Variants in NEB observed in about 807,000 individuals in gnomAD.
NEB encodes nemaline myopathy type 2.
In NEB, 512 loss-of-function variants were observed where a neutral mutation model predicts 952.2. The observed-to-expected ratio is 0.54, with a 90% confidence interval of 0.50 to 0.58. The LOEUF is 0.58. NEB is among the 20% of genes least tolerant of loss of function. NEB has a pLI of 0.00. For missense variants in NEB, 8,428 were observed against 9,231.1 expected, an observed-to-expected ratio of 0.91 and a Z score of 3.56; for synonymous variants, 2,900 against 3,149.8, an observed-to-expected ratio of 0.92 and a Z score of 2.66.
In NEB at chr2:151,687,414, C is replaced by T; in HGVS notation, c.2637+5G>A. On this transcript the variant is annotated splice_donor_5th_base_variant and intron_variant, in intron 27 of 181. Transcript: ENST00000397345. ...AAAACAAGACAGATTCACAAAGACA[C>T]TCACATCACTCTGGTTTTTGGCTGT... 2 of 1,606,852 alleles carry T rather than the reference C, an allele frequency of 1.2e-6. No individual in the cohort carries two copies. The highest frequency in any genetic ancestry group is 8.5e-7 in the Non-Finnish European group (1 of 1,173,426).
chr2:151,622,546 C>T (rs1332343248), intron 71 of NEB, among the ~76,000 whole-genome samples: 2 of 152,086 alleles, frequency 1.3e-5, no homozygotes. Flanking sequence ...GCCATATTTG[C>T]TTTCTCTAGC....
intron 130 of NEB, 68 bp downstream of exon 130, chr2:151,549,563 CAGGCT>C: frequency 1.0e-6 from 1 of 953,294 alleles, no homozygotes; most frequent in South Asian, 1.4e-5. Flanking sequence ...AGGATTAGAA[CAGGCT>C]ATTAATTAAT....
chr2:151,616,033 G>A lies in NEB; in HGVS notation c.11258C>T (p.Ala3753Val). 6.2e-7 allele frequency: 1 copy of A among 1,613,006 alleles called. No homozygotes were observed. The highest frequency in any genetic ancestry group is 1.1e-5 in the South Asian group (1 of 90,868). The stretch of plus-strand genomic sequence containing the variant: ...AGCAATATCTCTTGAAGCCTTGGCT[G>A]CTTGGATTGGAATGGCATCCAGACG... ...DLRLDAIPIQ[A>V]AKASRDIASD... Residue 3753 changes from alanine to valine, a missense_variant, in exon 76 of 182, where the codon GCA (alanine) becomes GTA (valine). By Grantham distance (64) the Ala-to-Val change is moderately conservative. This residue lies in a region of NEB where 1,772 missense variants were observed against 1,960.3 expected (regional missense o/e 0.90). Coordinates refer to ENST00000397345, the MANE Select transcript of NEB (RefSeq NM_001164508.2).
chr2:151,524,624 G>T lies in NEB; in HGVS notation c.22273-8C>A, dbSNP rs1271025149. ...ATCTTTTCTGTAAGCGACCTTTATTGGGGAAGAAAATGTTTACTCAAGAGA... is the reference window on the plus strand; with the variant it reads ...ATCTTTTCTGTAAGCGACCTTTATTTGGGAAGAAAATGTTTACTCAAGAGA... On this transcript the variant is annotated splice_polypyrimidine_tract_variant and splice_region_variant and intron_variant, in intron 151 of 181. Transcript: ENST00000397345. 44 of 921,652 alleles carry T rather than the reference G, an allele frequency of 4.8e-5. No homozygotes were observed. Among genetic ancestry groups the T allele is most frequent in the Non-Finnish European group, 7.0e-5 (41 of 585,118 alleles). The allele number at this position is 921,652 out of a possible 1,614,324, so 57.1% of individuals were successfully genotyped here.
Position 151,512,619 on chromosome 2 carries a change from CTT to C in NEB, c.23346+112_23346+113del, listed in dbSNP as rs2075407058. ...GTGAGCCACTGCACCTGGTGAATCT[CTT>C]TTTTATTGGGAAAAACTGATCTGAA... On this transcript the variant is annotated intron_variant, in intron 161 of 181. Coordinates refer to ENST00000397345, the MANE Select transcript of NEB (RefSeq NM_001164508.2). The C allele has an allele frequency of 5.9e-6, 5 of 853,006 alleles. No homozygotes were observed. In the Admixed American group the frequency reaches 7.0e-5, roughly 12 times the overall value. 52.8% of individuals were successfully genotyped at this position (853,006 alleles called of 1,614,324 possible).
intron 103 of NEB, 30 bp downstream of exon 103, chr2:151,581,453 G>C (rs1043622753): frequency 3.1e-6 from 2 of 644,468 alleles, no homozygotes; most frequent in Non-Finnish European, 5.0e-6. Flanking sequence ...AGAGAGCACT[G>C]TGAAAAGCAA....
chr2:151,579,013 G>A (rs557216009), intron 105 of NEB, among the ~76,000 whole-genome samples: 15 of 149,326 alleles, frequency 1.0e-4, no homozygotes, highest in East Asian at 2.0e-4. Flanking sequence ...CCTGGGAGGC[G>A]GAGGTTGCAG....
Position 151,639,353 on chromosome 2 carries a change from T to C in NEB, c.8921A>G (p.Lys2974Arg). ...RLYTEAWDKD[K>R]TQIHIMPDTP... ...GTCTGGCATTATGTGGATCTGAGTC[T>C]TGTCTTTGTCCCAGGCTTCTGTGTA... The change falls in exon 63 of 182, where the codon AAG (lysine) becomes AGG (arginine). Residue 2974 changes from lysine to arginine, a missense_variant. This residue lies in a region of NEB where 1,772 missense variants were observed against 1,960.3 expected (regional missense o/e 0.90). Coordinates refer to ENST00000397345, the MANE Select transcript of NEB (RefSeq NM_001164508.2). The C allele has an allele frequency of 6.5e-7, 1 of 1,546,302 alleles. No individual in the cohort carries two copies. Among genetic ancestry groups the C allele is most frequent in the Non-Finnish European group, 8.7e-7 (1 of 1,147,964 alleles).
chr2:151,576,485 C>CATATATATATATATATATAT (rs1167680131), intron 105 of NEB, 131 bp from the exon 106 acceptor site: 4 of 54,186 alleles, frequency 7.4e-5, no homozygotes, highest in African/African-American at 3.4e-4. Flanking sequence ...AACATAAATA[C>CATATATATATATATATATAT]ATATATATAT....
intron 13 of NEB, among the ~76,000 whole-genome samples, chr2:151,701,660 T>G (rs983058940): frequency 6.6e-6 from 1 of 151,406 alleles, no homozygotes; most frequent in Non-Finnish European, 1.5e-5. Flanking sequence ...CGTAGAGGTG[T>G]TTGTAGTATT....
At chr2:151,638,831 GT>G (rs2098809474) in intron 63 of NEB, among the ~76,000 whole-genome samples, 2 of 152,170 alleles carry the variant, frequency 1.3e-5, no homozygotes, top group Non-Finnish European at 2.9e-5. Flanking sequence ...GTGTGTGTGT[GT>G]GTGTGTGGGT....
chr2:151,558,484 T>C (rs2095811937), intron 124 of NEB, among the ~76,000 whole-genome samples: 1 of 151,756 alleles, frequency 6.6e-6, no homozygotes. Flanking sequence ...CAAGCTACCA[T>C]TGACTTTTTT....
At position 151,665,980 on chromosome 2, in the gene NEB, G is replaced by A. The variant is rs186460644; in HGVS notation, c.5031+110C>T. 269 of 1,148,810 alleles carry A rather than the reference G, an allele frequency of 2.3e-4. No individual in the cohort carries two copies. In the African/African-American group the frequency reaches 3.9e-3, roughly 17 times the overall value. 71.2% of individuals were successfully genotyped at this position (1,148,810 alleles called of 1,614,324 possible). On this transcript the variant is annotated intron_variant, in intron 41 of 181. Transcript: ENST00000397345. Reference sequence around the variant, plus strand: ...AAATCCTAAAACTCTGAGTTCTGGAGGGAATCCTTAATTACAGTGAGTGCA... The same window carrying A: ...AAATCCTAAAACTCTGAGTTCTGGAAGGAATCCTTAATTACAGTGAGTGCA...
chr2:151,617,501 G>C, intron 74 of NEB, 33 bp from the exon 75 acceptor site: 117 of 1,291,032 alleles, frequency 9.1e-5, no homozygotes, highest in Non-Finnish European at 1.1e-4. Context: ...GAGAGAGAGA[G>C]AGAAAAATTA....
chr2:151,538,456 T>C (rs929042681), intron 138 of NEB, among the ~76,000 whole-genome samples: 1 of 152,182 alleles, frequency 6.6e-6, no homozygotes, highest in African/African-American at 2.4e-5. Flanking sequence ...CCGATCATAA[T>C]GTATCAATCT....
rs868737859 is a variant in NEB at position 151,618,355 on chromosome 2, G to A, written c.10996C>T (p.Pro3666Ser). The A allele has an allele frequency of 6.2e-7, 1 of 1,613,832 alleles. No individual in the cohort carries two copies. Among genetic ancestry groups the A allele is most frequent in the African/African-American group, 1.3e-5 (1 of 74,932 alleles). The change falls in exon 74 of 182, where the codon CCA (proline) becomes TCA (serine). Residue 3666 changes from proline (P) to serine (S), a missense_variant. By Grantham distance (74) the Pro-to-Ser change is moderately conservative. This residue lies in a region of NEB where 1,772 missense variants were observed against 1,960.3 expected (regional missense o/e 0.90). Coordinates refer to ENST00000397345, the MANE Select transcript of NEB (RefSeq NM_001164508.2). ...LLSDTIYRQR[P>S]ETLKFTSITD... Reference sequence around the variant, plus strand: ...ATACTGGTAAATTTCAGCGTTTCTGGACGCTGACGGTAGATAGTATCACTA... The same window carrying A: ...ATACTGGTAAATTTCAGCGTTTCTGAACGCTGACGGTAGATAGTATCACTA...
chr2:151,665,305 T>C (rs986615990), intron 42 of NEB, 28 bp downstream of exon 42: 8 of 1,607,126 alleles, frequency 5.0e-6, no homozygotes, highest in African/African-American at 2.7e-5. Flanking sequence ...GAGGGTTCCC[T>C]GGGCGAGGCT....
At chr2:151,642,968 G>T in intron 58 of NEB, 99 bp from the exon 59 acceptor site, 1 of 1,214,362 alleles carries the variant, frequency 8.2e-7, no homozygotes, top group Non-Finnish European at 1.2e-6. Context: ...TCAGCTCAGT[G>T]AATCGGTATT....
intron 124 of NEB, among the ~76,000 whole-genome samples, chr2:151,559,430 C>G (rs1417030133): frequency 6.6e-6 from 1 of 152,182 alleles, no homozygotes; most frequent in African/African-American, 2.4e-5. Flanking sequence ...ACCCAGCAAT[C>G]CCATTACTGG....
Sources: gnomAD v4.1 joint callset for allele counts (sites outside exome capture counted in the v4.1 genomes callset) on GRCh38, gnomAD v4.1.1 for gene constraint, gnomAD v4.1.1 regional missense constraint, MANE v1.5 for transcripts, NCBI Gene and HGNC (gene_info 2026-07-23, HGNC 2026-07-21) for gene names.